KLC1: variants seen among roughly 807,000 people sequenced by gnomAD.
The protein encoded by KLC1 is kinesin light chain 1, also known as kinesin 2 60/70kDa.
In KLC1, 30 loss-of-function variants were observed where a neutral mutation model predicts 84.2. The ratio of observed to expected loss-of-function variants is 0.36; its 90% CI spans 0.27 to 0.48. KLC1 has a LOEUF of 0.48. Among genes scored for constraint, KLC1 ranks in the 20% least tolerant of loss-of-function variants. The pLI, the probability that KLC1 is intolerant of heterozygous loss-of-function variation, is 0.99. For synonymous variants in KLC1, 289 were observed against 293.3 expected, an observed-to-expected ratio of 0.99 and a Z score of 0.15; for missense variants, 499 against 805.4, an observed-to-expected ratio of 0.62 and a Z score of 4.60.
chr14:103,644,214 C>CA (rs376316737), intron 1 of KLC1, among the ~76,000 whole-genome samples: 24,213 of 58,742 alleles, frequency 0.41, 4,753 homozygotes, highest in Middle Eastern at 0.49. Flanking sequence ...GACTCTGTCT[C>CA]AAAAAAAAAA....
chr14:103,636,002 A>T (rs1011287297), intron 1 of KLC1, among the ~76,000 whole-genome samples: 4 of 152,074 alleles, frequency 2.6e-5, no homozygotes, highest in Non-Finnish European at 5.9e-5. Context: ...ACCTCGCGCC[A>T]CTTCAATTTT....
intron 1 of KLC1, among the ~76,000 whole-genome samples, chr14:103,641,029 A>T (rs965339396): frequency 6.6e-6 from 1 of 151,900 alleles, no homozygotes; most frequent in Non-Finnish European, 1.5e-5. Flanking sequence ...GGTTCCAGCA[A>T]TTCTCCTGCC....
intron 1 of KLC1, among the ~76,000 whole-genome samples, chr14:103,643,392 G>A (rs949152237): frequency 1.3e-5 from 2 of 152,178 alleles, no homozygotes; most frequent in Non-Finnish European, 2.9e-5. Context: ...CCTGAGCCAG[G>A]TGGTCGAGGC....
chr14:103,632,121 G>A (rs1235846236), intron 1 of KLC1, among the ~76,000 whole-genome samples: 5 of 152,276 alleles, frequency 3.3e-5, no homozygotes, highest in African/African-American at 4.8e-5. Flanking sequence ...TTGGCCGGGC[G>A]TGGTCATGCC....
chr14:103,654,086 C>G (rs957653787), intron 1 of KLC1, among the ~76,000 whole-genome samples: 18 of 152,182 alleles, frequency 1.2e-4, no homozygotes, highest in African/African-American at 4.1e-4. Context: ...CAGGTCTGCT[C>G]CTCCCCTGCT....
intron 5 of KLC1, among the ~76,000 whole-genome samples, chr14:103,668,722 G>A (rs968031878): frequency 2.0e-5 from 3 of 151,882 alleles, no homozygotes; most frequent in East Asian, 1.9e-4. Context: ...CTCGTGATCC[G>A]CCCGCCTCAG....
rs200324872 is a variant in KLC1 at position 103,655,304 on chromosome 14, TATTG to T, written c.261+493_261+496del. Reference sequence around the variant, plus strand: ...TATTGATTTGGGCCTATCAGAATTGTATTGATTGATTGATTGAGATGGAGTTTTG... The same window carrying T: ...TATTGATTTGGGCCTATCAGAATTGTATTGATTGATTGAGATGGAGTTTTG... On this transcript the variant is annotated intron_variant, in intron 2 of 16. Transcript: ENST00000334553. Among the ~76,000 whole-genome samples the T allele has an allele frequency of 3.2e-3, 493 of 152,226 alleles. 17 individuals carry two copies. In the East Asian group the frequency reaches 0.083, roughly 26 times the overall value.
At chr14:103,688,959 C>G (rs545105720) in intron 14 of KLC1, among the ~76,000 whole-genome samples, 1 of 152,130 alleles carries the variant, frequency 6.6e-6, no homozygotes, top group Non-Finnish European at 1.5e-5. Context: ...TACAGATTTC[C>G]AGAACCAAAA....
chr14:103,698,652 GA>G, intron 15 of KLC1: 1 of 747,896 alleles, frequency 1.3e-6, no homozygotes, highest in Non-Finnish European at 2.3e-6. Flanking sequence ...ACCATCTTCG[GA>G]TGAGAAAGTG....
chr14:103,654,930 A>G lies in KLC1; in HGVS notation c.261+105A>G, dbSNP rs2078715714. On this transcript the variant is annotated intron_variant, in intron 2 of 16. Coordinates refer to ENST00000334553, the MANE Select transcript of KLC1 (RefSeq NM_001394837.1). ...TAAAGAAGAGGAAAGATGATTATAGAATAACAGATCCAGGCCGAGTGCGGT... is the reference window on the plus strand; with the variant it reads ...TAAAGAAGAGGAAAGATGATTATAGGATAACAGATCCAGGCCGAGTGCGGT... 1.2e-5 allele frequency: 16 copies of G among 1,321,180 alleles called. No homozygotes were observed. The South Asian group carries it at 2.3e-4, about 19-fold the overall frequency. 81.8% of individuals were successfully genotyped at this position (1,321,180 alleles called of 1,614,324 possible).
intron 1 of KLC1, among the ~76,000 whole-genome samples, chr14:103,634,484 A>T (rs2076909970): frequency 6.6e-6 from 1 of 152,168 alleles, no homozygotes; most frequent in South Asian, 2.1e-4. Context: ...AGTTAGAGAT[A>T]CATCTTTGGA....
intron 14 of KLC1, among the ~76,000 whole-genome samples, chr14:103,689,447 G>GT (rs2081965909): frequency 6.6e-6 from 1 of 152,200 alleles, no homozygotes; most frequent in Non-Finnish European, 1.5e-5. Flanking sequence ...ACGGACTAAC[G>GT]TTTTCTACAT....
chr14:103,649,146 C>G (rs917623416), intron 1 of KLC1, among the ~76,000 whole-genome samples: 6 of 151,432 alleles, frequency 4.0e-5, no homozygotes, highest in Non-Finnish European at 8.8e-5. Context: ...TAAAAAAAAA[C>G]AAAGAAACAG....
rs564023886 is a variant in KLC1, at chr14:103,685,171, T to G, written c.1651-1910T>G. The G allele has an allele frequency of 4.8e-6, 7 of 1,455,202 alleles. No individual in the cohort carries two copies. The South Asian group carries it at 1.0e-4, about 21-fold the overall frequency. The allele number at this position is 1,455,202 out of a possible 1,614,324, so 90.1% of individuals were successfully genotyped here. ...TTTCTTTTGGATTATCAACTGCATG[T>G]TTAAAATGGGCTGTAGACTTTTAAA... is the stretch of plus-strand genomic sequence containing the variant. On this transcript the variant is annotated intron_variant, in intron 13 of 16. Transcript: ENST00000334553.
intron 1 of KLC1, among the ~76,000 whole-genome samples, chr14:103,651,278 G>T (rs773373286): frequency 1.3e-5 from 2 of 152,186 alleles, no homozygotes; most frequent in Non-Finnish European, 2.9e-5. Flanking sequence ...AGAGTGCTAG[G>T]ATTACAGGCG....
At chr14:103,670,453 C>T (rs770614732) in intron 7 of KLC1, among the ~76,000 whole-genome samples, 170 bp downstream of exon 7, 15 of 151,404 alleles carry the variant, frequency 9.9e-5, no homozygotes, top group South Asian at 2.1e-4. Flanking sequence ...TCTTCTGCCT[C>T]GGCCTTCCAA....
At chr14:103,670,370 T>C (rs1421383051) in intron 7 of KLC1, 87 bp downstream of exon 7, 22 of 839,584 alleles carry the variant, frequency 2.6e-5, no homozygotes, top group Non-Finnish European at 4.0e-5. Flanking sequence ...TGGAGTCTCG[T>C]TCTGTCACCG....
intron 15 of KLC1, chr14:103,695,173 TG>T: frequency 1.1e-6 from 1 of 899,330 alleles, no homozygotes; most frequent in Non-Finnish European, 1.3e-6. Flanking sequence ...TATATATATA[TG>T]GCTGGGTGCG....
chr14:103,700,664 G>GT lies in KLC1; in HGVS notation c.1858_1859insT (p.Gly620ValfsTer70). The GT allele has an allele frequency of 6.2e-7, 1 of 1,607,480 alleles. No homozygotes were observed. The highest frequency in any genetic ancestry group is 2.3e-5 in the East Asian group (1 of 44,382). On this transcript the variant is annotated frameshift_variant, in exon 16 of 17. Coordinates refer to ENST00000334553, the MANE Select transcript of KLC1 (RefSeq NM_001394837.1). LOFTEE classifies it high-confidence loss of function. ...TGTGCTTCATCTCCAGGGCGTCTCT[G>GT]GCCGAGCCTCTTTTTGTGGAAAACG...
Sources: allele counts gnomAD v4.1 joint callset (sites outside exome capture counted in the v4.1 genomes callset), GRCh38; gene constraint gnomAD v4.1.1; transcripts MANE v1.5; gene names NCBI Gene and HGNC (gene_info 2026-07-23, HGNC 2026-07-21).